Variants in PCMTD1 observed in about 807,000 individuals in gnomAD.
PCMTD1 encodes protein-L-isoaspartate O-methyltransferase domain-containing protein 1.
In PCMTD1, 12 loss-of-function variants were observed where a neutral mutation model predicts 37.6. The observed-to-expected ratio is 0.32, with a 90% CI of 0.20 to 0.52. The LOEUF is 0.52. Among genes scored for constraint, PCMTD1 ranks in the 20% least tolerant of loss-of-function variants. PCMTD1 has a pLI of 0.97. For missense variants in PCMTD1, 235 were observed against 421.3 expected (o/e 0.56, Z 3.87); for synonymous variants, 117 against 135.8 (o/e 0.86, Z 0.96).
At chr8:51,883,450 GAC>G (rs2038821027) in intron 1 of PCMTD1, among the ~76,000 whole-genome samples, 2 of 151,878 alleles carry the variant, frequency 1.3e-5, no homozygotes, top group Non-Finnish European at 2.9e-5. Flanking sequence ...ATAATAGAGG[GAC>G]ACACACAAAA....
chr8:51,896,337 T>C (rs1307180185), intron 1 of PCMTD1: 1 of 152,228 alleles, frequency 6.6e-6, no homozygotes. Context: ...TGTCTGTCAT[T>C]ATGCATTTTA....
At chr8:51,888,654 G>T (rs747772962) in intron 1 of PCMTD1, among the ~76,000 whole-genome samples, 2 of 152,152 alleles carry the variant, frequency 1.3e-5, no homozygotes, top group Non-Finnish European at 2.9e-5. Flanking sequence ...AGAATCAAAT[G>T]AAATAATGTG....
At chr8:51,852,140 T>C (rs1267613757) in intron 2 of PCMTD1, among the ~76,000 whole-genome samples, 5 of 152,316 alleles carry the variant, frequency 3.3e-5, no homozygotes, top group South Asian at 4.1e-4. Flanking sequence ...CACACTTTTA[T>C]TGCTAGTTCA....
intron 2 of PCMTD1, among the ~76,000 whole-genome samples, chr8:51,847,593 C>T (rs2038240881): frequency 6.6e-6 from 1 of 151,964 alleles, no homozygotes; most frequent in Non-Finnish European, 1.5e-5. Context: ...TGCCATTGCA[C>T]TCCAGCATGG....
intron 1 of PCMTD1, among the ~76,000 whole-genome samples, chr8:51,890,425 G>A (rs1448897306): frequency 2.0e-5 from 3 of 151,954 alleles, no homozygotes; most frequent in Non-Finnish European, 2.9e-5. Context: ...TTTAAAATCC[G>A]CTCTAGCCGC....
At chr8:51,864,031 A>G (rs2038514201) in intron 1 of PCMTD1, among the ~76,000 whole-genome samples, 1 of 152,190 alleles carries the variant, frequency 6.6e-6, no homozygotes, top group South Asian at 2.1e-4. Flanking sequence ...CCTATGAAAA[A>G]GACTCACTTT....
rs528919218 is a variant in PCMTD1, at chr8:51,819,588, TAGAGTTAAGATAACCTC to T, written c.*746_*762del. 101 of 104,350 alleles carry T rather than the reference TAGAGTTAAGATAACCTC, an allele frequency of 9.7e-4. No individual in the cohort carries two copies. Among genetic ancestry groups the T allele is most frequent in the Admixed American group, 2.4e-3 (22 of 9,194 alleles). 6.5% of individuals were successfully genotyped at this position (104,350 alleles called of 1,614,324 possible). A position where few individuals can be genotyped will look rare whatever the true frequency, so the allele number is the denominator to read the frequency against. ...TTCTAAATATACTTTTAAAATTCTA[TAGAGTTAAGATAACCTC>T]ATTTTTTTAAATACTGAAAATGTAA... is the stretch of plus-strand genomic sequence containing the variant. On this transcript the variant is annotated 3_prime_UTR_variant, in exon 6 of 6. Transcript: ENST00000522514.
chr8:51,838,438 A>C (rs1373959193), intron 3 of PCMTD1, among the ~76,000 whole-genome samples: 1 of 152,026 alleles, frequency 6.6e-6, no homozygotes, highest in Non-Finnish European at 1.5e-5. Context: ...ACGGTGAGCT[A>C]TGACCATGGC....
At chr8:51,889,871 T>TAC (rs2038912881) in intron 1 of PCMTD1, among the ~76,000 whole-genome samples, 1 of 140,038 alleles carries the variant, frequency 7.1e-6, no homozygotes, top group South Asian at 2.4e-4. Context: ...TATACGTGTG[T>TAC]GTGTGTGTGT....
chr8:51,823,321 G>A (rs935804368), intron 5 of PCMTD1, among the ~76,000 whole-genome samples: 31 of 152,124 alleles, frequency 2.0e-4, no homozygotes, highest in African/African-American at 6.5e-4. Context: ...AAAATTAGCC[G>A]GGCATGGTGG....
chr8:51,889,075 C>T (rs916714638), intron 1 of PCMTD1, among the ~76,000 whole-genome samples: 1 of 152,160 alleles, frequency 6.6e-6, no homozygotes, highest in Non-Finnish European at 1.5e-5. Context: ...AGGACACATT[C>T]TCCTTGCTTT....
chr8:51,861,423 C>T (rs1439964878), intron 1 of PCMTD1, among the ~76,000 whole-genome samples, 177 bp from the exon 2 acceptor site: 1 of 152,182 alleles, frequency 6.6e-6, no homozygotes, highest in East Asian at 1.9e-4. Flanking sequence ...ATAGTAACCA[C>T]AAAAGGTAAC....
intron 3 of PCMTD1, among the ~76,000 whole-genome samples, chr8:51,834,404 C>G (rs937402419): frequency 6.6e-6 from 1 of 152,064 alleles, no homozygotes; most frequent in Admixed American, 6.5e-5. Context: ...TCATGGTACA[C>G]GGAGTTATGC....
chr8:51,878,250 GTTT>G (rs375362623), intron 1 of PCMTD1, among the ~76,000 whole-genome samples: 69 of 139,178 alleles, frequency 5.0e-4, no homozygotes, highest in African/African-American at 1.8e-3. Context: ...TTTTTTTTTG[GTTT>G]TTTTTTTTTT....
chr8:51,894,444 G>C (rs940333620), intron 1 of PCMTD1, among the ~76,000 whole-genome samples: 1 of 152,214 alleles, frequency 6.6e-6, no homozygotes, highest in African/African-American at 2.4e-5. Context: ...CTTGGAAGAA[G>C]ACATGGTTGG....
chr8:51,887,985 C>T (rs909361627), intron 1 of PCMTD1, among the ~76,000 whole-genome samples: 15 of 151,998 alleles, frequency 9.9e-5, no homozygotes, highest in Admixed American at 2.0e-4. Context: ...CCTCGTGATC[C>T]GCCCACCTCG....
intron 2 of PCMTD1, among the ~76,000 whole-genome samples, chr8:51,853,996 C>A (rs1208948444): frequency 6.6e-6 from 1 of 152,124 alleles, no homozygotes; most frequent in East Asian, 1.9e-4. Flanking sequence ...CGTGAATTCT[C>A]AAGAGACAAA....
intron 1 of PCMTD1, among the ~76,000 whole-genome samples, chr8:51,866,132 C>T (rs1437135075): frequency 6.6e-6 from 1 of 151,082 alleles, no homozygotes; most frequent in Admixed American, 6.6e-5. Flanking sequence ...ATACTAAACA[C>T]TATTAAATAT....
At chr8:51,893,340 G>C (rs546599903) in intron 1 of PCMTD1, among the ~76,000 whole-genome samples, 2 of 152,208 alleles carry the variant, frequency 1.3e-5, no homozygotes, top group East Asian at 3.9e-4. Flanking sequence ...CATTAACATC[G>C]ATAGATTATT....
Sources: gnomAD v4.1 joint callset for allele counts (sites outside exome capture counted in the v4.1 genomes callset) on GRCh38, gnomAD v4.1.1 for gene constraint, MANE v1.5 for transcripts, NCBI Gene and HGNC (gene_info 2026-07-23, HGNC 2026-07-21) for gene names.